The following WDFY4 variants were observed in gnomAD, a reference collection of about 807,000 sequenced individuals.
The protein encoded by WDFY4 is WD repeat- and FYVE domain-containing protein 4.
In WDFY4, 169 loss-of-function variants were observed where a neutral mutation model predicts 351.9. That is an observed-to-expected ratio of 0.48 (90% CI 0.42 to 0.55). WDFY4 has a LOEUF of 0.55. Ranked by LOEUF, WDFY4 falls within the 20% of genes least tolerant of loss-of-function variation. WDFY4 has a pLI of 0.00. For synonymous variants in WDFY4, 1,622 were observed against 1,574.6 expected (o/e 1.03, Z -0.71); for missense variants, 3,803 against 3,935.6 (o/e 0.97, Z 0.90).
At chr10:48,797,178 T>C (rs1309299948) in intron 24 of WDFY4, among the ~76,000 whole-genome samples, 1 of 152,060 alleles carries the variant, frequency 6.6e-6, no homozygotes, top group Non-Finnish European at 1.5e-5. Flanking sequence ...TATTTGCAAA[T>C]ACTGTACATC....
intron 53 of WDFY4, among the ~76,000 whole-genome samples, chr10:48,963,577 A>G (rs1204451266): frequency 6.6e-6 from 1 of 152,176 alleles, no homozygotes. Context: ...GATACTGTGG[A>G]CACCATGGTT....
chr10:48,932,401 A>G (rs770040865), intron 47 of WDFY4: 2 of 152,208 alleles, frequency 1.3e-5, no homozygotes, highest in Non-Finnish European at 2.9e-5. Context: ...AGCACTGACA[A>G]ATTATTAATA....
At chr10:48,747,677 A>T (rs1470060489) in intron 12 of WDFY4, among the ~76,000 whole-genome samples, 1 of 152,164 alleles carries the variant, frequency 6.6e-6, no homozygotes, top group Non-Finnish European at 1.5e-5. Context: ...ACAGTATTTT[A>T]TATGTCTAGA....
chr10:48,694,015 T>C (rs1041299769), intron 1 of WDFY4, among the ~76,000 whole-genome samples: 3 of 152,208 alleles, frequency 2.0e-5, no homozygotes, highest in African/African-American at 7.2e-5. Flanking sequence ...CTTCCAGATA[T>C]GTTTCAAAGT....
chr10:48,831,350 TA>T (rs1463069048), intron 38 of WDFY4, among the ~76,000 whole-genome samples: 1 of 152,250 alleles, frequency 6.6e-6, no homozygotes, highest in Admixed American at 6.5e-5. Context: ...TCAACATTTT[TA>T]TCATATTAGT....
At chr10:48,722,708 A>G (rs1222399072) in intron 4 of WDFY4, among the ~76,000 whole-genome samples, 1 of 152,210 alleles carries the variant, frequency 6.6e-6, no homozygotes, top group African/African-American at 2.4e-5. Context: ...GCACACACAC[A>G]CACGTGCGTG....
chr10:48,958,048 C>A (rs545604575), intron 52 of WDFY4, among the ~76,000 whole-genome samples: 12 of 152,162 alleles, frequency 7.9e-5, no homozygotes, highest in East Asian at 3.9e-4. Flanking sequence ...GCTCTAGAGC[C>A]CCCCCTCGTC....
chr10:48,920,071 C>T (rs1329306426), intron 47 of WDFY4, among the ~76,000 whole-genome samples: 1 of 151,912 alleles, frequency 6.6e-6, no homozygotes, highest in Non-Finnish European at 1.5e-5. Context: ...CCCAAACTTA[C>T]TCAATACTTG....
At chr10:48,718,811 CG>C (rs2063988533) in intron 2 of WDFY4, among the ~76,000 whole-genome samples, 1 of 152,172 alleles carries the variant, frequency 6.6e-6, no homozygotes, top group South Asian at 2.1e-4. Context: ...AGCGGACTTA[CG>C]AACAGGGCTG....
At chr10:48,862,199 G>C (rs1481088375) in intron 39 of WDFY4, among the ~76,000 whole-genome samples, 1 of 152,140 alleles carries the variant, frequency 6.6e-6, no homozygotes, top group Non-Finnish European at 1.5e-5. Context: ...AACTCAGTTT[G>C]AGATTTTCCT....
intron 4 of WDFY4, among the ~76,000 whole-genome samples, chr10:48,722,664 C>T (rs34652226): frequency 0.21 from 32,538 of 152,220 alleles, 3,654 homozygotes; most frequent in South Asian, 0.37. Context: ...CATGCACACA[C>T]ACACGTGCAC....
intron 12 of WDFY4, among the ~76,000 whole-genome samples, chr10:48,759,596 A>T (rs909424690): frequency 3.3e-5 from 5 of 152,152 alleles, no homozygotes; most frequent in Non-Finnish European, 7.3e-5. Flanking sequence ...TGGGTTGGGA[A>T]AGAATGGGGA....
chr10:48,905,719 C>T (rs1018382502), intron 47 of WDFY4, among the ~76,000 whole-genome samples: 4 of 152,242 alleles, frequency 2.6e-5, no homozygotes, highest in South Asian at 2.1e-4. Context: ...TGCTGACCCT[C>T]GGCTCTGAGG....
intron 8 of WDFY4, among the ~76,000 whole-genome samples, chr10:48,730,485 G>C (rs183159780): frequency 1.4e-4 from 22 of 152,314 alleles, no homozygotes; most frequent in Admixed American, 9.1e-4. Context: ...TGTCTCCTGG[G>C]GGAGAGAGAA....
intron 47 of WDFY4, among the ~76,000 whole-genome samples, chr10:48,903,646 G>A (rs554851498): frequency 6.6e-6 from 1 of 152,192 alleles, no homozygotes. Flanking sequence ...AATTAAATGA[G>A]GATGATCAGA....
chr10:48,961,319 A>G (rs1589998672), intron 53 of WDFY4, among the ~76,000 whole-genome samples: 1 of 152,242 alleles, frequency 6.6e-6, no homozygotes, highest in Non-Finnish European at 1.5e-5. Flanking sequence ...ACATGATTCA[A>G]TTGACCAGAG....
intron 39 of WDFY4, among the ~76,000 whole-genome samples, chr10:48,833,392 G>A (rs2068266369): frequency 6.6e-6 from 1 of 152,098 alleles, no homozygotes; most frequent in Non-Finnish European, 1.5e-5. Context: ...GCCTCCTCAT[G>A]TGAACTGGGC....
At chr10:48,730,846 TC>T (rs1327223322) in intron 8 of WDFY4, among the ~76,000 whole-genome samples, 1 of 152,224 alleles carries the variant, frequency 6.6e-6, no homozygotes, top group Non-Finnish European at 1.5e-5. Context: ...CTTTGTATTA[TC>T]TTTTTGAAAT....
intron 47 of WDFY4, chr10:48,910,252 G>A (rs1400738467): frequency 7.6e-6 from 12 of 1,586,380 alleles, no homozygotes; most frequent in Non-Finnish European, 9.5e-6. Context: ...AAGATGTCAA[G>A]CGTATTCTGG....
Sources: gnomAD v4.1 joint callset for allele counts (sites outside exome capture counted in the v4.1 genomes callset) on GRCh38, gnomAD v4.1.1 for gene constraint, MANE v1.5 for transcripts, NCBI Gene and HGNC (gene_info 2026-07-23, HGNC 2026-07-21) for gene names.